The following ZFPM2 variants were observed in gnomAD, a reference collection of about 807,000 sequenced individuals.
ZFPM2 encodes the protein zinc finger protein, FOG family member 2, also known as zinc finger protein ZFPM2.
Under a neutral mutation model 98.6 loss-of-function variants are expected in ZFPM2, and 20 were observed. That is an observed-to-expected ratio of 0.20 (90% CI 0.14 to 0.29). ZFPM2 has a LOEUF of 0.29. ZFPM2 is among the 10% of genes least tolerant of loss of function. ZFPM2 has a pLI of 1.00. For missense variants in ZFPM2, 1,310 were observed against 1,388.6 expected (o/e 0.94, Z 0.90); for synonymous variants, 518 against 502.7 (o/e 1.03, Z -0.41).
At chr8:105,546,096 C>A (rs1380401975) in intron 3 of ZFPM2, among the ~76,000 whole-genome samples, 1 of 152,042 alleles carries the variant, frequency 6.6e-6, no homozygotes, top group Non-Finnish European at 1.5e-5. Flanking sequence ...GAGCTCTGTT[C>A]CTGTTTCCTT....
intron 3 of ZFPM2, among the ~76,000 whole-genome samples, chr8:105,495,158 C>G (rs779275309): frequency 2.6e-5 from 4 of 152,168 alleles, no homozygotes; most frequent in Non-Finnish European, 5.9e-5. Flanking sequence ...TTTATCAAAG[C>G]CTTGAACATC....
chr8:105,803,096 A>G lies in ZFPM2; in HGVS notation c.3014A>G (p.Glu1005Gly), dbSNP rs537023953. ...CTTGTCATCCATAACACTGACATCG[A>G]GCAAAGCAGAAATGCAGAAAATGAA... ...GSLVIHNTDI[E>G]QSRNAENESP... Residue 1005 changes from glutamate to glycine, a missense_variant, in exon 8 of 8, where the codon GAG (glutamate) becomes GGG (glycine). Physicochemically the swap from Glu to Gly is moderately conservative, Grantham distance 98. Transcript: ENST00000407775. 1.6e-5 allele frequency: 26 copies of G among 1,613,922 alleles called. No homozygotes were observed. In the East Asian group the frequency reaches 5.6e-4, roughly 35 times the overall value.
chr8:105,793,306 G>A (rs1029033088), intron 6 of ZFPM2, among the ~76,000 whole-genome samples: 1 of 151,936 alleles, frequency 6.6e-6, no homozygotes, highest in African/African-American at 2.4e-5. Flanking sequence ...CTCAGCATTT[G>A]CTTGTCTGTA....
intron 4 of ZFPM2, among the ~76,000 whole-genome samples, chr8:105,598,053 G>GAA (rs1289453301): frequency 2.2e-5 from 3 of 134,320 alleles, no homozygotes; most frequent in Admixed American, 7.5e-5. Context: ...GTTGTTCTTG[G>GAA]AAAAAAAAAA....
chr8:105,672,511 TA>T (rs1487523328), intron 5 of ZFPM2, among the ~76,000 whole-genome samples: 3 of 152,124 alleles, frequency 2.0e-5, no homozygotes, highest in Non-Finnish European at 4.4e-5. Flanking sequence ...TTGTAGCAAT[TA>T]TTTTTTTTCT....
chr8:105,709,344 G>T (rs1284016991), intron 5 of ZFPM2, among the ~76,000 whole-genome samples: 3 of 151,940 alleles, frequency 2.0e-5, no homozygotes, highest in Admixed American at 1.3e-4. Context: ...CTATATTACT[G>T]GCCTTAGGCA....
chr8:105,580,699 A>T (rs1815571520), intron 4 of ZFPM2, among the ~76,000 whole-genome samples: 2 of 152,016 alleles, frequency 1.3e-5, no homozygotes, highest in Admixed American at 1.3e-4. Flanking sequence ...CTCATTTGAG[A>T]AAAGAAACAC....
At chr8:105,586,482 G>A (rs779156538) in intron 4 of ZFPM2, among the ~76,000 whole-genome samples, 54 of 151,978 alleles carry the variant, frequency 3.6e-4, no homozygotes, top group Non-Finnish European at 6.3e-4. Context: ...GAGTGCAGCG[G>A]CACAATCTTG....
At chr8:105,440,965 C>G (rs1237955971) in intron 2 of ZFPM2, among the ~76,000 whole-genome samples, 1 of 151,964 alleles carries the variant, frequency 6.6e-6, no homozygotes, top group Non-Finnish European at 1.5e-5. Context: ...TCCTGGCCAA[C>G]ATGGTGAAAC....
Position 105,738,381 on chromosome 8 carries a change from G to A in ZFPM2, c.533-50337G>A, listed in dbSNP as rs554149681. Among the ~76,000 whole-genome samples, 8 of 152,070 alleles carry A rather than the reference G, an allele frequency of 5.3e-5. No homozygotes were observed. In the South Asian group the frequency reaches 1.4e-3, roughly 28 times the overall value. Reference sequence around the variant, plus strand: ...CTTTGTTATGGTTGCATAGTATTCTGTGGTGTCTATGTACCACGTTTTCTT... The same window carrying A: ...CTTTGTTATGGTTGCATAGTATTCTATGGTGTCTATGTACCACGTTTTCTT... On this transcript the variant is annotated intron_variant, in intron 5 of 7. Coordinates refer to ENST00000407775, the MANE Select transcript of ZFPM2 (RefSeq NM_012082.4).
intron 6 of ZFPM2, among the ~76,000 whole-genome samples, chr8:105,794,813 C>A (rs536041420): frequency 6.6e-6 from 1 of 152,168 alleles, no homozygotes; most frequent in Non-Finnish European, 1.5e-5. Context: ...GCCTCGCTGC[C>A]GCCTTGCAGT....
chr8:105,580,844 T>TAA (rs397836792), intron 4 of ZFPM2, among the ~76,000 whole-genome samples: 12,639 of 148,094 alleles, frequency 0.085, 824 homozygotes, highest in East Asian at 0.37. Context: ...TATATATATA[T>TAA]AAATCACTGA....
Position 105,691,405 on chromosome 8 carries a change from C to T in ZFPM2, c.532+57048C>T, listed in dbSNP as rs1475233926. ...CCGGGACTACGGGCGCCCGCCACCG[C>T]GCCCGGCTAATTTTTTGTATTTTTA... On this transcript the variant is annotated intron_variant, in intron 5 of 7. Transcript: ENST00000407775. Among the ~76,000 whole-genome samples, 22 of 142,290 alleles carry T rather than the reference C, an allele frequency of 1.5e-4. 3 individuals carry two copies. The highest frequency in any genetic ancestry group is 3.5e-4 in the African/African-American group (13 of 36,636). 93.3% of individuals were successfully genotyped at this position (142,290 alleles called of 152,430 possible). A position where few individuals can be genotyped will look rare whatever the true frequency, so the allele number is the denominator to read the frequency against.
chr8:105,653,104 G>C (rs572966549), intron 5 of ZFPM2, among the ~76,000 whole-genome samples: 2 of 152,132 alleles, frequency 1.3e-5, no homozygotes, highest in African/African-American at 2.4e-5. Flanking sequence ...ATTTTGACTA[G>C]AGATACAAAT....
intron 1 of ZFPM2, among the ~76,000 whole-genome samples, chr8:105,378,302 A>G (rs1255594243): frequency 6.6e-6 from 1 of 152,180 alleles, no homozygotes; most frequent in Non-Finnish European, 1.5e-5. Context: ...CTCAGTTTCT[A>G]TCTGTAATCC....
chr8:105,557,386 A>G (rs1052054177), intron 3 of ZFPM2, among the ~76,000 whole-genome samples: 1 of 152,152 alleles, frequency 6.6e-6, no homozygotes, highest in Non-Finnish European at 1.5e-5. Flanking sequence ...TGCCTTCTTT[A>G]TAGCTACTTT....
intron 5 of ZFPM2, among the ~76,000 whole-genome samples, chr8:105,713,303 G>A (rs1190573273): frequency 1.3e-5 from 2 of 151,938 alleles, no homozygotes; most frequent in African/African-American, 4.8e-5. Context: ...TCATATGTTT[G>A]TTGGCTGTTT....
intron 3 of ZFPM2, among the ~76,000 whole-genome samples, chr8:105,508,889 G>A (rs1044543098): frequency 2.2e-4 from 33 of 149,514 alleles, no homozygotes; most frequent in African/African-American, 7.9e-4. Context: ...AAGAAATCTT[G>A]CTCCAGTGCA....
intron 5 of ZFPM2, among the ~76,000 whole-genome samples, chr8:105,681,828 T>G (rs917164024): frequency 1.2e-4 from 18 of 152,186 alleles, no homozygotes. Context: ...TTGTGTGTGC[T>G]TTGTGTCTTT....
Sources: gnomAD v4.1 joint callset for allele counts (sites outside exome capture counted in the v4.1 genomes callset) on GRCh38, gnomAD v4.1.1 for gene constraint, MANE v1.5 for transcripts, NCBI Gene and HGNC (gene_info 2026-07-23, HGNC 2026-07-21) for gene names.